The following EVC2 variants were observed in gnomAD, a reference collection of about 807,000 sequenced individuals.
EVC2 encodes the protein EvC ciliary complex subunit 2, also known as limbin.
In EVC2, 148 loss-of-function variants were observed where a neutral mutation model predicts 149.3. The ratio of observed to expected loss-of-function variants is 0.99; its 90% CI spans 0.87 to 1.14. The LOEUF (loss-of-function observed/expected upper bound fraction) is 1.14. Ranked by LOEUF, EVC2 falls within the 50% of genes most tolerant of loss-of-function variation. EVC2 has a pLI of 0.00. For missense variants in EVC2, 1,854 were observed against 1,627.3 expected (o/e 1.14, Z -2.40); for synonymous variants, 776 against 649.9 (o/e 1.19, Z -2.95).
At chr4:5,646,386 A>G (rs1389975476) in intron 9 of EVC2, among the ~76,000 whole-genome samples, 2 of 151,788 alleles carry the variant, frequency 1.3e-5, no homozygotes, top group African/African-American at 2.4e-5. Flanking sequence ...TCCCTTGTCC[A>G]CTTTTTAATG....
chr4:5,542,031 G>A (rs1003735355), downstream of EVC2, among the ~76,000 whole-genome samples: 1 of 152,194 alleles, frequency 6.6e-6, no homozygotes, highest in Non-Finnish European at 1.5e-5. Flanking sequence ...CATAAGGATA[G>A]GGCCTTATAA....
intron 9 of EVC2, among the ~76,000 whole-genome samples, chr4:5,650,142 G>T (rs773665929): frequency 3.9e-5 from 6 of 152,104 alleles, no homozygotes; most frequent in Non-Finnish European, 5.9e-5. Flanking sequence ...CAGGCCTCGA[G>T]CTACTCCTTA....
At chr4:5,529,815 G>GT in the EVC2 span, among the ~76,000 whole-genome samples, 2,751 of 132,070 alleles carry the variant, frequency 0.021, 35 homozygotes, top group Middle Eastern at 0.039. The surrounding 1 kb of genome is among the most constrained non-coding windows in gnomAD (Gnocchi z 4.5). Flanking sequence ...AGTTATTTAG[G>GT]TTTTTTTTTT....
rs986703317 is a variant in EVC2 at position 5,636,433 on chromosome 4, T to A, written c.1470+4081A>T. Among the ~76,000 whole-genome samples the A allele has an allele frequency of 1.1e-4, 16 of 152,334 alleles. No individual in the cohort carries two copies. The highest frequency in any genetic ancestry group is 2.2e-4 in the Non-Finnish European group (15 of 68,024). ...CTGTGTGTATTGAACACATACAGAC[T>A]ATTTTTTTCTTGTTGTTATTCCCTA... On this transcript the variant is annotated intron_variant, in intron 10 of 21. Transcript: ENST00000344408. This position sits in a 1 kb window ranked among gnomAD's most constrained non-coding sequence, Gnocchi z 4.6.
In EVC2 at chr4:5,666,135, CTT is replaced by C. The variant is rs539337759; in HGVS notation, c.871-488_871-487del. On this transcript the variant is annotated intron_variant, in intron 7 of 21. Transcript: ENST00000344408. ...ACGGTATTATATTTAGAGAAAATCT[CTT>C]GTCTTCTGACTGGTGAGATTAGTGG... Among the ~76,000 whole-genome samples the C allele has an allele frequency of 4.3e-3, 649 of 152,212 alleles. 6 individuals are homozygous for C. The highest frequency in any genetic ancestry group is 7.3e-3 in the Non-Finnish European group (496 of 68,010).
intron 16 of EVC2, among the ~76,000 whole-genome samples, chr4:5,586,853 C>G (rs1040276755): frequency 2.0e-5 from 3 of 152,084 alleles, no homozygotes; most frequent in African/African-American, 7.2e-5. Flanking sequence ...AAGCTGTGCC[C>G]CAACCACCTT....
chr4:5,549,265 G>A (rs141724306), intron 21 of EVC2, among the ~76,000 whole-genome samples: 410 of 152,242 alleles, frequency 2.7e-3, no homozygotes, highest in African/African-American at 8.7e-3. Context: ...ACCCGGGTAC[G>A]GGAGTTTGCT....
chr4:5,697,400 C>T (rs1178769884), intron 2 of EVC2, among the ~76,000 whole-genome samples, 193 bp downstream of exon 2: 1 of 152,218 alleles, frequency 6.6e-6, no homozygotes, highest in African/African-American at 2.4e-5. Flanking sequence ...CCACTGTGCA[C>T]TAACGCTTCG....
chr4:5,661,379 T>C (rs1044994143), intron 9 of EVC2, among the ~76,000 whole-genome samples: 1 of 152,210 alleles, frequency 6.6e-6, no homozygotes, highest in Non-Finnish European at 1.5e-5. Context: ...TAGAAGAAGA[T>C]AACATCACCC....
chr4:5,574,636 G>A (rs757646071), intron 19 of EVC2, 49 bp downstream of exon 19: 1 of 1,557,280 alleles, frequency 6.4e-7, no homozygotes, highest in Admixed American at 1.7e-5. Flanking sequence ...AAAAGATGAA[G>A]TGACGTGCTG....
At chr4:5,649,038 CA>C (rs1331113070) in intron 9 of EVC2, among the ~76,000 whole-genome samples, 1 of 152,160 alleles carries the variant, frequency 6.6e-6, no homozygotes, top group African/African-American at 2.4e-5. Context: ...ATTCAGACAA[CA>C]ATGAAATACA....
At chr4:5,586,078 T>C (rs1233185150) in intron 16 of EVC2, among the ~76,000 whole-genome samples, 1 of 152,138 alleles carries the variant, frequency 6.6e-6, no homozygotes, top group Non-Finnish European at 1.5e-5. Flanking sequence ...CCCAGGCTGG[T>C]CTCGAACGCC....
At chr4:5,529,349 G>T in the EVC2 span, among the ~76,000 whole-genome samples, 2 of 152,160 alleles carry the variant, frequency 1.3e-5, no homozygotes, top group Admixed American at 6.5e-5. The surrounding 1 kb of genome is among the most constrained non-coding windows in gnomAD (Gnocchi z 4.5). Flanking sequence ...AGGAGATGAA[G>T]AAATAGGTGC....
chr4:5,677,565 G>A lies in EVC2; in HGVS notation c.870+3695C>T, dbSNP rs919132309. Among the ~76,000 whole-genome samples the A allele has an allele frequency of 4.6e-5, 7 of 152,192 alleles. No individual in the cohort carries two copies. The highest frequency in any genetic ancestry group is 1.4e-4 in the African/African-American group (6 of 41,460). ...CATGCAGGTGACGGGAAGCCTGGAA[G>A]ACCTCGGCATGGCTCAATTCCATCC... On this transcript the variant is annotated intron_variant, in intron 7 of 21. Coordinates refer to ENST00000344408, the MANE Select transcript of EVC2 (RefSeq NM_147127.5). This position sits in a 1 kb window ranked among gnomAD's most constrained non-coding sequence, Gnocchi z 4.3.
intron 5 of EVC2, 141 bp downstream of exon 5, chr4:5,689,016 A>C (rs749947932): frequency 1.4e-4 from 127 of 899,746 alleles, no homozygotes; most frequent in Non-Finnish European, 2.0e-4. Flanking sequence ...TGATACCCTG[A>C]TAGTAAGATC....
At chr4:5,553,622 A>C (rs1186880828) in intron 21 of EVC2, among the ~76,000 whole-genome samples, 1 of 152,178 alleles carries the variant, frequency 6.6e-6, no homozygotes, top group Non-Finnish European at 1.5e-5. Flanking sequence ...GGAGTAATAA[A>C]ATTTTTCAAA....
At chr4:5,545,391 T>C (rs1192862698) in intron 21 of EVC2, among the ~76,000 whole-genome samples, 1 of 152,228 alleles carries the variant, frequency 6.6e-6, no homozygotes, top group Non-Finnish European at 1.5e-5. Context: ...TGGAATTTGC[T>C]AAGCTGGTGA....
chr4:5,599,164 G>C (rs1159239940), intron 16 of EVC2, among the ~76,000 whole-genome samples: 1 of 151,662 alleles, frequency 6.6e-6, no homozygotes, highest in Non-Finnish European at 1.5e-5. Context: ...TCAGTGTGGC[G>C]ATTCCTCAGG....
rs1418725431 is a variant in EVC2 at position 5,657,127 on chromosome 4, G to A, written c.1145+5980C>T. Among the ~76,000 whole-genome samples the A allele has an allele frequency of 3.3e-5, 5 of 152,048 alleles. No individual in the cohort carries two copies. Among genetic ancestry groups the A allele is most frequent in the Admixed American group, 2.6e-4 (4 of 15,268 alleles). ...CTGCAGGGGAAGGCACCTCGTCCAG[G>A]CAGGGAGGCCCACCAGCCTCACACG... On this transcript the variant is annotated intron_variant, in intron 9 of 21. Coordinates refer to ENST00000344408, the MANE Select transcript of EVC2 (RefSeq NM_147127.5). The surrounding 1 kb of genome is among the most constrained non-coding windows in gnomAD (Gnocchi z 4.7).
Sources: gnomAD v4.1 joint callset for allele counts (sites outside exome capture counted in the v4.1 genomes callset) on GRCh38, gnomAD v4.1.1 for gene constraint, Gnocchi (gnomAD v3.1) non-coding constraint, MANE v1.5 for transcripts, NCBI Gene and HGNC (gene_info 2026-07-23, HGNC 2026-07-21) for gene names.